AGBL1: variants seen among roughly 807,000 people sequenced by gnomAD.
AGBL1 encodes the protein cytosolic carboxypeptidase 4.
AGBL1 carries 130 observed loss-of-function variants against 118.9 expected under a neutral mutation model. That is an observed-to-expected ratio of 1.09 (90% CI 0.95 to 1.26). The LOEUF (loss-of-function observed/expected upper bound fraction) is 1.26, where lower values mean the gene tolerates loss of function less well. Among genes scored for constraint, AGBL1 ranks in the 50% most tolerant of loss-of-function variants. AGBL1 has a pLI of 0.00. For synonymous variants in AGBL1, 555 were observed against 478.9 expected, an observed-to-expected ratio of 1.16 and a Z score of -2.08; for missense variants, 1,584 against 1,298.1, an observed-to-expected ratio of 1.22 and a Z score of -3.38.
intron 5 of AGBL1, among the ~76,000 whole-genome samples, chr15:86,188,921 C>G (rs1336608128): frequency 6.6e-6 from 1 of 152,162 alleles, no homozygotes; most frequent in Non-Finnish European, 1.5e-5. Flanking sequence ...TGCTGTTTCT[C>G]TGAAGCTGTT....
At chr15:86,973,135 A>G (rs12907092) in intron 23 of AGBL1, among the ~76,000 whole-genome samples, 11,302 of 152,008 alleles carry the variant, frequency 0.074, 531 homozygotes, top group Middle Eastern at 0.11. Context: ...TGTTGTGAAG[A>G]TGGTATGAAA....
intron 22 of AGBL1, among the ~76,000 whole-genome samples, chr15:86,874,011 T>C (rs2141512665): frequency 6.6e-6 from 1 of 152,300 alleles, no homozygotes; most frequent in Middle Eastern, 3.4e-3. Context: ...CTATATCTTT[T>C]CTCAGTTTTT....
chr15:86,360,290 C>T (rs1384808950), intron 17 of AGBL1, among the ~76,000 whole-genome samples: 1 of 146,354 alleles, frequency 6.8e-6, no homozygotes, highest in Non-Finnish European at 1.5e-5. Context: ...TTTTTGGCAT[C>T]TACTGATATA....
intron 18 of AGBL1, among the ~76,000 whole-genome samples, chr15:86,415,133 C>T (rs552777029): frequency 6.6e-6 from 1 of 152,290 alleles, no homozygotes; most frequent in South Asian, 2.1e-4. Context: ...TACCCAATGG[C>T]CTTTCAGTGT....
chr15:87,031,175 C>G (rs144163678), downstream of AGBL1, among the ~76,000 whole-genome samples: 1 of 152,024 alleles, frequency 6.6e-6, no homozygotes, highest in East Asian at 1.9e-4. Context: ...TGGAAGAAGG[C>G]AACTTTTCAA....
chr15:86,890,097 C>T (rs1451878349), intron 22 of AGBL1, among the ~76,000 whole-genome samples: 1 of 152,120 alleles, frequency 6.6e-6, no homozygotes, highest in Non-Finnish European at 1.5e-5. Context: ...TTCTGATTGG[C>T]TTGAGATAGT....
intron 17 of AGBL1, chr15:86,304,880 C>T (rs1361793823): frequency 3.9e-5 from 6 of 152,178 alleles, no homozygotes; most frequent in Non-Finnish European, 8.8e-5. Flanking sequence ...GGGAATAGCC[C>T]TCTCCAAAAC....
chr15:86,654,911 C>T (rs940087941), intron 21 of AGBL1, among the ~76,000 whole-genome samples: 5 of 152,104 alleles, frequency 3.3e-5, no homozygotes, highest in Non-Finnish European at 5.9e-5. Flanking sequence ...TCTGGAATCT[C>T]TCTCAGTAGG....
At chr15:86,558,966 G>A (rs1049899442) in intron 21 of AGBL1, among the ~76,000 whole-genome samples, 4 of 152,182 alleles carry the variant, frequency 2.6e-5, no homozygotes, top group Non-Finnish European at 5.9e-5. Flanking sequence ...AAATCAAGGT[G>A]TTGGCAGTGT....
chr15:86,346,911 T>G (rs2080546541), intron 17 of AGBL1, among the ~76,000 whole-genome samples: 1 of 152,154 alleles, frequency 6.6e-6, no homozygotes, highest in African/African-American at 2.4e-5. Flanking sequence ...TGTTTTGTGT[T>G]GATCTGTTGT....
chr15:86,716,441 C>T (rs376757427), intron 22 of AGBL1, among the ~76,000 whole-genome samples: 3 of 152,176 alleles, frequency 2.0e-5, no homozygotes, highest in South Asian at 4.1e-4. Flanking sequence ...TTTCATGTGA[C>T]TTTCTTCCCA....
chr15:86,393,702 G>A (rs567452755), intron 17 of AGBL1, among the ~76,000 whole-genome samples: 17 of 152,140 alleles, frequency 1.1e-4, no homozygotes, highest in African/African-American at 3.9e-4. Context: ...TTTTTAGAAA[G>A]TTTCAGTTAG....
intron 18 of AGBL1, among the ~76,000 whole-genome samples, chr15:86,478,159 T>C (rs1400012179): frequency 2.0e-5 from 3 of 152,178 alleles, no homozygotes; most frequent in African/African-American, 7.2e-5. Flanking sequence ...GCATTCCCTT[T>C]GAAAACGGGC....
At chr15:86,427,184 A>G (rs923486156) in intron 18 of AGBL1, among the ~76,000 whole-genome samples, 3 of 152,224 alleles carry the variant, frequency 2.0e-5, no homozygotes, top group Non-Finnish European at 4.4e-5. Flanking sequence ...GACACTGCAT[A>G]AAAGTATTTT....
intron 18 of AGBL1, among the ~76,000 whole-genome samples, chr15:86,468,959 C>G (rs2142098470): frequency 6.6e-6 from 1 of 152,164 alleles, no homozygotes; most frequent in East Asian, 1.9e-4. Context: ...TTTACAAATA[C>G]AAATTGTATG....
intron 5 of AGBL1, among the ~76,000 whole-genome samples, chr15:86,164,055 G>A (rs1464588064): frequency 1.3e-5 from 2 of 152,222 alleles, no homozygotes; most frequent in African/African-American, 4.8e-5. Context: ...AGGGAGCAAA[G>A]TTTCTCTCAC....
At chr15:86,548,094 C>A (rs2083610479) in intron 20 of AGBL1, among the ~76,000 whole-genome samples, 2 of 152,184 alleles carry the variant, frequency 1.3e-5, no homozygotes, top group Admixed American at 1.3e-4. Context: ...TGAAAGGACC[C>A]ACTCATTTTA....
chr15:87,007,916 T>C (rs1457703250), intron 24 of AGBL1, among the ~76,000 whole-genome samples: 1 of 152,224 alleles, frequency 6.6e-6, no homozygotes, highest in African/African-American at 2.4e-5. Flanking sequence ...TGATATTTGT[T>C]GAATCTGAAA....
At chr15:87,010,125 C>A (rs751216387) in intron 24 of AGBL1, among the ~76,000 whole-genome samples, 4 of 152,056 alleles carry the variant, frequency 2.6e-5, no homozygotes, top group African/African-American at 4.8e-5. Flanking sequence ...TCTCACCACC[C>A]AAATCTCATC....
Sources: allele counts gnomAD v4.1 joint callset (sites outside exome capture counted in the v4.1 genomes callset), GRCh38; gene constraint gnomAD v4.1.1; transcripts MANE v1.5; gene names NCBI Gene and HGNC (gene_info 2026-07-23, HGNC 2026-07-21).